MED20: variants seen among roughly 807,000 people sequenced by gnomAD.
MED20 encodes mediator complex subunit 20.
A neutral mutation model predicts 19.7 loss-of-function variants in MED20; 19 were observed. The observed-to-expected ratio is 0.96, with a 90% CI of 0.67 to 1.42. The LOEUF is 1.42. Among genes scored for constraint, MED20 ranks in the 40% most tolerant of loss-of-function variants. The pLI is 0.00. For missense variants in MED20, 225 were observed against 273.0 expected, an observed-to-expected ratio of 0.82 and a Z score of 1.24; for synonymous variants, 105 against 104.8, an observed-to-expected ratio of 1.00 and a Z score of -0.01.
rs1320797667 is a variant in MED20 at position 41,921,131 on chromosome 6, C to T, written c.-113G>A. 19 of 1,395,832 alleles carry T rather than the reference C, an allele frequency of 1.4e-5. No individual in the cohort carries two copies. Among genetic ancestry groups the T allele is most frequent in the African/African-American group, 2.9e-5 (2 of 68,292 alleles). The allele number at this position is 1,395,832 out of a possible 1,614,324, so 86.5% of individuals were successfully genotyped here. A position where few individuals can be genotyped will look rare whatever the true frequency, so the allele number is the denominator to read the frequency against. On this transcript the variant is annotated 5_prime_UTR_variant, in exon 1 of 4. Transcript: ENST00000265350. ...CAACCTTCTGTCTCAGAAGGGACTCCGGAAATACGTAAAAACAGAGCGCCG... is the reference window on the plus strand; with the variant it reads ...CAACCTTCTGTCTCAGAAGGGACTCTGGAAATACGTAAAAACAGAGCGCCG...
At chr6:41,916,657 C>T in intron 2 of MED20, 128 bp downstream of exon 2, 15 of 1,183,600 alleles carry the variant, frequency 1.3e-5, no homozygotes, top group Admixed American at 2.2e-5. Flanking sequence ...TTAATGACGT[C>T]AAAAACACAT....
At chr6:41,910,388 T>C (rs928156713) in intron 2 of MED20, among the ~76,000 whole-genome samples, 1 of 151,906 alleles carries the variant, frequency 6.6e-6, no homozygotes, top group African/African-American at 2.4e-5. Flanking sequence ...TCCCAACACT[T>C]TGGGAGGCTG....
At chr6:41,909,020 TAA>T (rs374330646) in intron 3 of MED20, 1,058 of 434,130 alleles carry the variant, frequency 2.4e-3, no homozygotes, top group South Asian at 4.5e-3. Context: ...TCATTTCTAC[TAA>T]AAAAAAAAAA....
intron 2 of MED20, among the ~76,000 whole-genome samples, chr6:41,914,962 A>G (rs1402017820): frequency 2.0e-5 from 3 of 152,356 alleles, no homozygotes; most frequent in East Asian, 1.9e-4. Flanking sequence ...TTCAGAGTGC[A>G]TAAGGATTGT....
chr6:41,916,955 C>G lies in MED20; in HGVS notation c.15-16G>C, dbSNP rs1188127898. On this transcript the variant is annotated splice_polypyrimidine_tract_variant and intron_variant, in intron 1 of 3. Transcript: ENST00000265350. ...CTGGGACACACTGGAAAGGAGAGCA[C>G]CAAATCGTCAGTTATCCAGAGACAC... 6.8e-6 allele frequency: 11 copies of G among 1,613,466 alleles called. No individual in the cohort carries two copies. Among genetic ancestry groups the G allele is most frequent in the Non-Finnish European group, 8.5e-6 (10 of 1,179,788 alleles).
At chr6:41,917,055 C>T in intron 1 of MED20, 116 bp from the exon 2 acceptor site, 2 of 1,080,140 alleles carry the variant, frequency 1.9e-6, no homozygotes, top group African/African-American at 1.6e-5. Flanking sequence ...TTGGAAATTA[C>T]CTACTCTGAC....
chr6:41,916,377 C>T (rs1330081773), intron 2 of MED20, among the ~76,000 whole-genome samples: 5 of 152,118 alleles, frequency 3.3e-5, no homozygotes, highest in Admixed American at 6.5e-5. Flanking sequence ...GTCGGGAGTT[C>T]GAGATCAGCC....
At chr6:41,917,248 AAATT>A (rs1213668179) in intron 1 of MED20, among the ~76,000 whole-genome samples, 1 of 152,244 alleles carries the variant, frequency 6.6e-6, no homozygotes, top group East Asian at 1.9e-4. Flanking sequence ...AAAAATACAA[AAATT>A]AGCTGGGCGT....
At position 41,910,501 on chromosome 6, in the gene MED20, G is replaced by A. The variant is rs573682457; in HGVS notation, c.170-979C>T. Reference sequence around the variant, plus strand: ...ACAAAAATTATCTGGGTGTGGCGGTGCACGCCTGTAATCCCAGCTACTGGG... The same window carrying A: ...ACAAAAATTATCTGGGTGTGGCGGTACACGCCTGTAATCCCAGCTACTGGG... On this transcript the variant is annotated intron_variant, in intron 2 of 3. Coordinates refer to ENST00000265350, the MANE Select transcript of MED20 (RefSeq NM_004275.5). Among the ~76,000 whole-genome samples, 4 of 151,750 alleles carry A rather than the reference G, an allele frequency of 2.6e-5. No homozygotes were observed. In the South Asian group the frequency reaches 8.3e-4, roughly 32 times the overall value.
At chr6:41,914,207 G>A (rs1345210765) in intron 2 of MED20, among the ~76,000 whole-genome samples, 1 of 152,170 alleles carries the variant, frequency 6.6e-6, no homozygotes, top group Non-Finnish European at 1.5e-5. Flanking sequence ...GTTGTCGGAG[G>A]CAGGAATGAG....
chr6:41,907,527 G>A (rs1244744867), intron 3 of MED20, among the ~76,000 whole-genome samples: 1 of 152,098 alleles, frequency 6.6e-6, no homozygotes, highest in African/African-American at 2.4e-5. Flanking sequence ...CCTCCCAGAG[G>A]ACCCAGAAGC....
At position 41,909,476 on chromosome 6, in the gene MED20, T is replaced by A. The variant is rs756770231; in HGVS notation, c.216A>T (p.Pro72=). 1.2e-6 allele frequency: 2 copies of A among 1,614,270 alleles called. No homozygotes were observed. Among genetic ancestry groups the A allele is most frequent in the Non-Finnish European group, 1.7e-6 (2 of 1,180,050 alleles). The part of the protein sequence containing the change: ...LMYVMHNSEY[P]LSCFALFENG... The stretch of plus-strand genomic sequence containing the variant: ...TCTCAAAGAGGGCGAAACAGCTCAA[T>A]GGGTACTCTGAGTTGTGCATCACAT... Residue 72 remains proline, a synonymous_variant, in exon 3 of 4, where the codon CCA becomes CCT. Coordinates refer to ENST00000265350, the MANE Select transcript of MED20 (RefSeq NM_004275.5).
chr6:41,906,913 G>A lies in MED20; in HGVS notation c.*159C>T. On this transcript the variant is annotated 3_prime_UTR_variant, in exon 4 of 4. Coordinates refer to ENST00000265350, the MANE Select transcript of MED20 (RefSeq NM_004275.5). Reference sequence around the variant, plus strand: ...TGTGAGAGTCAGGGGGTTGGGGAGGGGACTCAGCCCCAGAACAAAAGCCAC... The same window carrying A: ...TGTGAGAGTCAGGGGGTTGGGGAGGAGACTCAGCCCCAGAACAAAAGCCAC... 1.6e-6 allele frequency: 1 copy of A among 638,772 alleles called. No homozygotes were observed. Among genetic ancestry groups the A allele is most frequent in the South Asian group, 2.0e-5 (1 of 50,986 alleles). The allele number at this position is 638,772 out of a possible 1,614,324, so 39.6% of individuals were successfully genotyped here.
chr6:41,911,432 T>A (rs1294494163), intron 2 of MED20, among the ~76,000 whole-genome samples: 1 of 152,022 alleles, frequency 6.6e-6, no homozygotes, highest in Non-Finnish European at 1.5e-5. Flanking sequence ...ATTCCAGGCA[T>A]GAGCCGCCAC....
chr6:41,910,445 A>G (rs1210338517), intron 2 of MED20, among the ~76,000 whole-genome samples: 1 of 151,698 alleles, frequency 6.6e-6, no homozygotes, highest in Non-Finnish European at 1.5e-5. Context: ...CGGCCTGATC[A>G]ACATGGTGAA....
At chr6:41,915,118 C>T (rs1197451767) in intron 2 of MED20, among the ~76,000 whole-genome samples, 1 of 152,166 alleles carries the variant, frequency 6.6e-6, no homozygotes, top group African/African-American at 2.4e-5. Context: ...CTTTTAGAAA[C>T]TGCACAAAAC....
chr6:41,909,134 A>G (rs912215262), intron 3 of MED20, 135 bp downstream of exon 3: 26 of 1,229,380 alleles, frequency 2.1e-5, no homozygotes, highest in Non-Finnish European at 2.6e-5. Flanking sequence ...AGATTGTGCC[A>G]TTGCATTCCA....
intron 2 of MED20, among the ~76,000 whole-genome samples, chr6:41,911,902 C>T (rs201062435): frequency 6.6e-6 from 1 of 152,188 alleles, no homozygotes; most frequent in East Asian, 1.9e-4. Flanking sequence ...GTTCTGTCTA[C>T]TCACTGTAAT....
chr6:41,909,557 CTT>C, intron 2 of MED20, 35 bp from the exon 3 acceptor site: 4 of 1,604,772 alleles, frequency 2.5e-6, no homozygotes, highest in Non-Finnish European at 3.4e-6. Context: ...ATCATCAAGA[CTT>C]TCACTGGCAA....
Sources: gnomAD v4.1 joint callset for allele counts (sites outside exome capture counted in the v4.1 genomes callset) on GRCh38, gnomAD v4.1.1 for gene constraint, MANE v1.5 for transcripts, NCBI Gene and HGNC (gene_info 2026-07-23, HGNC 2026-07-21) for gene names.